The following TMC7 variants were observed in gnomAD, a reference collection of about 807,000 sequenced individuals.
TMC7 encodes transmembrane channel-like protein 7.
In TMC7, 54 loss-of-function variants were observed where a neutral mutation model predicts 82.9. That is an observed-to-expected ratio of 0.65 (90% CI 0.52 to 0.82). TMC7 has a LOEUF of 0.82. TMC7 is among the 40% of genes least tolerant of loss of function. The pLI, the probability that TMC7 is intolerant of heterozygous loss-of-function variation, is 0.00. For missense variants in TMC7, 820 were observed against 901.2 expected, an observed-to-expected ratio of 0.91 and a Z score of 1.15; for synonymous variants, 350 against 337.9, an observed-to-expected ratio of 1.04 and a Z score of -0.39.
At chr16:19,029,156 C>G (rs1285037757) in intron 5 of TMC7, among the ~76,000 whole-genome samples, 2 of 151,520 alleles carry the variant, frequency 1.3e-5, no homozygotes, top group Non-Finnish European at 2.9e-5. Context: ...CAGGCGCCCG[C>G]CACCACACCC....
intron 11 of TMC7, 111 bp downstream of exon 11, chr16:19,045,549 G>GTAGAGTCATCCAGCA: frequency 1.3e-6 from 1 of 776,714 alleles, no homozygotes; most frequent in Non-Finnish European, 2.3e-6. Context: ...AGAAGCTGCT[G>GTAGAGTCATCCAGCA]GATGACTCTA....
intron 1 of TMC7, among the ~76,000 whole-genome samples, chr16:18,996,686 GA>G (rs1356680703): frequency 6.6e-6 from 1 of 152,212 alleles, no homozygotes; most frequent in Non-Finnish European, 1.5e-5. Flanking sequence ...TTAGTTTAAA[GA>G]GAAAGGTGGA....
At chr16:19,010,847 A>G (rs1234422771) in intron 2 of TMC7, among the ~76,000 whole-genome samples, 1 of 152,106 alleles carries the variant, frequency 6.6e-6, no homozygotes, top group East Asian at 1.9e-4. Flanking sequence ...ACATGGTATC[A>G]TCAGGATAGC....
intron 9 of TMC7, among the ~76,000 whole-genome samples, chr16:19,042,488 T>G (rs753167281): frequency 9.3e-5 from 14 of 150,200 alleles, no homozygotes; most frequent in Non-Finnish European, 1.8e-4. Context: ...CCCTTATTCT[T>G]TAAATTATTC....
At chr16:19,029,486 C>T (rs80127710) in intron 5 of TMC7, among the ~76,000 whole-genome samples, 20 of 152,198 alleles carry the variant, frequency 1.3e-4, no homozygotes, top group African/African-American at 4.6e-4. Context: ...CGGCTTATTC[C>T]AGCCTCCTGA....
chr16:19,045,515 A>AG, intron 11 of TMC7, 77 bp downstream of exon 11: 1 of 1,026,022 alleles, frequency 9.7e-7, no homozygotes. Flanking sequence ...ACACAACTGG[A>AG]GGGTCCCATT....
At chr16:19,032,778 C>A (rs149563966) in intron 6 of TMC7, among the ~76,000 whole-genome samples, 1 of 152,086 alleles carries the variant, frequency 6.6e-6, no homozygotes, top group Non-Finnish European at 1.5e-5. Context: ...CAGGTGCACG[C>A]CACCACGACT....
chr16:18,997,768 C>T (rs1289557241), intron 1 of TMC7, among the ~76,000 whole-genome samples: 4 of 146,892 alleles, frequency 2.7e-5, no homozygotes, highest in Admixed American at 1.4e-4. Flanking sequence ...CTTGCTCTGT[C>T]GCCCAGGCTG....
chr16:19,050,384 A>C (rs1444141126), intron 12 of TMC7, among the ~76,000 whole-genome samples: 1 of 151,512 alleles, frequency 6.6e-6, no homozygotes, highest in East Asian at 1.9e-4. Flanking sequence ...AAAAAAAAAA[A>C]AAAAAAAACC....
chr16:19,001,696 A>T (rs566101428), intron 1 of TMC7, among the ~76,000 whole-genome samples: 4 of 152,286 alleles, frequency 2.6e-5, no homozygotes, highest in East Asian at 1.9e-4. Flanking sequence ...CAAACAACAC[A>T]AAAAGGATGG....
At chr16:19,009,439 C>T (rs375196772) in intron 2 of TMC7, 24 bp downstream of exon 2, 601 of 1,602,572 alleles carry the variant, frequency 3.8e-4, no homozygotes, top group Admixed American at 5.4e-4. Flanking sequence ...CCACCTGGAA[C>T]CTGCATTGTG....
chr16:19,035,830 G>A lies in TMC7; in HGVS notation c.1005+7G>A, dbSNP rs925222684. ...CTTGCGGTACGAGCTCCGAGTGAGT[G>A]CTCCTGAGTTTGTCCGTGGTGGGGT... On this transcript the variant is annotated splice_region_variant and intron_variant, in intron 7 of 15. Coordinates refer to ENST00000304381, the MANE Select transcript of TMC7 (RefSeq NM_024847.4). 8 of 1,563,536 alleles carry A rather than the reference G, an allele frequency of 5.1e-6. No individual in the cohort carries two copies. In the African/African-American group the frequency reaches 8.2e-5, roughly 16 times the overall value.
At chr16:19,047,018 C>T in intron 11 of TMC7, 45 bp from the exon 12 acceptor site, 1 of 1,523,082 alleles carries the variant, frequency 6.6e-7, no homozygotes, top group Non-Finnish European at 8.9e-7. Flanking sequence ...GGTTCTGTGG[C>T]CTTGGCAGAC....
intron 9 of TMC7, among the ~76,000 whole-genome samples, 158 bp downstream of exon 9, chr16:19,040,604 T>C (rs1171200218): frequency 6.6e-6 from 1 of 152,112 alleles, no homozygotes; most frequent in Non-Finnish European, 1.5e-5. Context: ...GAATCAGAAT[T>C]TGTATATATG....
chr16:19,001,117 T>C (rs1470804546), intron 1 of TMC7, among the ~76,000 whole-genome samples: 1 of 152,166 alleles, frequency 6.6e-6, no homozygotes, highest in African/African-American at 2.4e-5. Flanking sequence ...CCTAAAATCT[T>C]TTACTCATTT....
At chr16:18,989,831 T>A (rs1019703968) in intron 1 of TMC7, among the ~76,000 whole-genome samples, 13 of 151,296 alleles carry the variant, frequency 8.6e-5, no homozygotes, top group East Asian at 2.0e-4. Flanking sequence ...TCCTTTTTTT[T>A]ATTTTTTTTG....
chr16:19,018,746 G>A (rs897790573), intron 3 of TMC7, among the ~76,000 whole-genome samples: 1 of 151,210 alleles, frequency 6.6e-6, no homozygotes, highest in African/African-American at 2.4e-5. Flanking sequence ...GACCAGCCTG[G>A]GTAACATAGT....
chr16:18,996,092 C>T (rs954193354), intron 1 of TMC7, among the ~76,000 whole-genome samples: 1 of 152,030 alleles, frequency 6.6e-6, no homozygotes, highest in Non-Finnish European at 1.5e-5. Flanking sequence ...AGTTGCAGAA[C>T]GAATCTGTAA....
rs1959960398 is a variant in TMC7 at position 19,021,257 on chromosome 16, A to T, written c.461-372A>T. Among the ~76,000 whole-genome samples, 3 of 152,358 alleles carry T rather than the reference A, an allele frequency of 2.0e-5. 1 individual carries two copies. The South Asian group carries it at 6.2e-4, about 32-fold the overall frequency. On this transcript the variant is annotated intron_variant, in intron 3 of 15. Coordinates refer to ENST00000304381, the MANE Select transcript of TMC7 (RefSeq NM_024847.4). ...GTCTAGCATTGGTGTAAGGATAGACATGTAGACCCATGGAACAGGATAGAG... is the reference window on the plus strand; with the variant it reads ...GTCTAGCATTGGTGTAAGGATAGACTTGTAGACCCATGGAACAGGATAGAG...
Sources: allele counts gnomAD v4.1 joint callset (sites outside exome capture counted in the v4.1 genomes callset), GRCh38; gene constraint gnomAD v4.1.1; transcripts MANE v1.5; gene names NCBI Gene and HGNC (gene_info 2026-07-23, HGNC 2026-07-21).